The following PTPRC variants were observed in gnomAD, a reference collection of about 807,000 sequenced individuals.
The protein encoded by PTPRC is protein tyrosine phosphatase receptor type C, also known as receptor-type tyrosine-protein phosphatase C.
PTPRC carries 44 observed loss-of-function variants against 155.9 expected under a neutral mutation model. The observed-to-expected ratio is 0.28, with a 90% CI of 0.22 to 0.36. The LOEUF (loss-of-function observed/expected upper bound fraction) is 0.36, where lower values mean the gene tolerates loss of function less well. Among genes scored for constraint, PTPRC ranks in the 10% least tolerant of loss-of-function variants. The pLI is 1.00. For missense variants in PTPRC, 1,401 were observed against 1,564.6 expected, an observed-to-expected ratio of 0.90 and a Z score of 1.76; for synonymous variants, 525 against 533.1, an observed-to-expected ratio of 0.98 and a Z score of 0.21.
rs1558034164 is a variant in PTPRC, at chr1:198,741,851, ATAT to A, written c.2404-14_2404-12del. 6.2e-7 allele frequency: 1 copy of A among 1,608,928 alleles called. No homozygotes were observed. Among genetic ancestry groups the A allele is most frequent in the Admixed American group, 1.7e-5 (1 of 59,642 alleles). The stretch of plus-strand genomic sequence containing the variant: ...CTTTAAAAAAATCATCTCAAAGAAA[ATAT>A]TATCTCTTGACTAGAAAAAAGAAAA... On this transcript the variant is annotated splice_polypyrimidine_tract_variant and intron_variant, in intron 23 of 32. Transcript: ENST00000442510.
intron 23 of PTPRC, among the ~76,000 whole-genome samples, chr1:198,737,204 A>G (rs1654685445): frequency 6.6e-6 from 1 of 151,548 alleles, no homozygotes; most frequent in African/African-American, 2.4e-5. Flanking sequence ...ATGTAATTCT[A>G]CTTGTTCATT....
At position 198,718,144 on chromosome 1, in the gene PTPRC, A is replaced by G; in HGVS notation, c.1501A>G (p.Met501Val). 9 of 1,613,868 alleles carry G rather than the reference A, an allele frequency of 5.6e-6. No homozygotes were observed. The highest frequency in any genetic ancestry group is 6.8e-6 in the Non-Finnish European group (8 of 1,179,758). ...MTVSMTSDNS[M>V]HVKCRPPRDR... ...TGTCTCCATGACATCAGATAATAGT[A>G]TGCATGTCAAGTGTAGGCCTCCCAG... is the stretch of plus-strand genomic sequence containing the variant. Residue 501 changes from methionine to valine, a missense_variant, in exon 14 of 33, where the codon ATG becomes GTG. Met to Val is a conservative substitution (Grantham distance 21). Around this residue, in one of 3 missense-constraint regions of PTPRC, gnomAD observed 867 missense variants for 970.4 expected, o/e 0.89. Transcript: ENST00000442510.
At chr1:198,681,847 C>A (rs12126973) in intron 2 of PTPRC, among the ~76,000 whole-genome samples, 13,406 of 152,184 alleles carry the variant, frequency 0.088, 619 homozygotes, top group Non-Finnish European at 0.099. Context: ...AAACACAAAT[C>A]AATCTGAAAT....
At chr1:198,714,115 C>G (rs1393939880) in intron 12 of PTPRC, among the ~76,000 whole-genome samples, 1 of 152,060 alleles carries the variant, frequency 6.6e-6, no homozygotes, top group African/African-American at 2.4e-5. Flanking sequence ...GAAGATAAAA[C>G]AGCAGAGGTA....
intron 2 of PTPRC, among the ~76,000 whole-genome samples, chr1:198,675,787 C>T (rs1229492612): frequency 6.6e-6 from 1 of 152,080 alleles, no homozygotes; most frequent in Non-Finnish European, 1.5e-5. Flanking sequence ...GCATCTTCTT[C>T]CTAATATCTA....
intron 31 of PTPRC, among the ~76,000 whole-genome samples, chr1:198,753,902 C>CATCA (rs1203327182): frequency 6.6e-6 from 1 of 152,072 alleles, no homozygotes; most frequent in African/African-American, 2.4e-5. Flanking sequence ...TTTCTGATTA[C>CATCA]ATCAGCTTTC....
At chr1:198,733,198 CT>C (rs1446245559) in intron 20 of PTPRC, among the ~76,000 whole-genome samples, 1 of 151,662 alleles carries the variant, frequency 6.6e-6, no homozygotes, top group African/African-American at 2.4e-5. Context: ...TATATACAGA[CT>C]GAAAAAATTC....
chr1:198,666,146 T>C (rs548495084), intron 2 of PTPRC, among the ~76,000 whole-genome samples: 15 of 151,494 alleles, frequency 9.9e-5, no homozygotes, highest in African/African-American at 1.5e-4. Flanking sequence ...GGTGAAAAGA[T>C]TGTTTGAGTC....
intron 11 of PTPRC, among the ~76,000 whole-genome samples, chr1:198,710,952 T>C (rs1306253802): frequency 1.3e-5 from 2 of 152,180 alleles, no homozygotes; most frequent in Non-Finnish European, 2.9e-5. Context: ...ACTCCTGGGT[T>C]CAAGCAATTC....
chr1:198,750,145 T>C (rs957408319), intron 28 of PTPRC, among the ~76,000 whole-genome samples: 42 of 152,096 alleles, frequency 2.8e-4, no homozygotes, highest in African/African-American at 9.6e-4. Flanking sequence ...TAATTAAAAT[T>C]AGTATAGACA....
In PTPRC at chr1:198,706,762, T is replaced by C; in HGVS notation, c.714T>C (p.Asp238=). 2 of 1,611,372 alleles carry C rather than the reference T, an allele frequency of 1.2e-6. No individual in the cohort carries two copies. Among genetic ancestry groups the C allele is most frequent in the South Asian group, 2.2e-5 (2 of 90,928 alleles). Residue 238 remains aspartate, a synonymous_variant, in exon 9 of 33, where the codon GAT becomes GAC. Transcript: ENST00000442510. The part of the protein sequence containing the change: ...CDEKYANITV[D]YLYNKETKLF... ...AAAAATATGCAAACATCACTGTGGATTACTTATATAACAAGGAAACTAAAT... is the reference window on the plus strand; with the variant it reads ...AAAAATATGCAAACATCACTGTGGACTACTTATATAACAAGGAAACTAAAT...
At chr1:198,646,644 T>C (rs866643583) in intron 2 of PTPRC, among the ~76,000 whole-genome samples, 1 of 151,940 alleles carries the variant, frequency 6.6e-6, no homozygotes, top group Admixed American at 6.6e-5. Flanking sequence ...TAGATTCATT[T>C]TGAAATTTTA....
At chr1:198,641,551 G>A (rs189868770) in intron 2 of PTPRC, among the ~76,000 whole-genome samples, 1 of 151,996 alleles carries the variant, frequency 6.6e-6, no homozygotes, top group Non-Finnish European at 1.5e-5. Context: ...CTTTGCCACG[G>A]CAACAACCAG....
chr1:198,649,335 T>C (rs1476494202), intron 2 of PTPRC, among the ~76,000 whole-genome samples: 1 of 151,884 alleles, frequency 6.6e-6, no homozygotes, highest in Non-Finnish European at 1.5e-5. Flanking sequence ...AATTTACTTA[T>C]TGATGCTTTA....
intron 10 of PTPRC, among the ~76,000 whole-genome samples, chr1:198,708,876 G>C (rs1359290551): frequency 6.6e-6 from 1 of 152,202 alleles, no homozygotes; most frequent in African/African-American, 2.4e-5. Flanking sequence ...CATCTGCCAG[G>C]CCATAGCTGG....
At chr1:198,662,444 C>CTGTGTGTGTGTG (rs5779935) in intron 2 of PTPRC, among the ~76,000 whole-genome samples, 2 of 131,150 alleles carry the variant, frequency 1.5e-5, no homozygotes, top group Non-Finnish European at 3.2e-5. Context: ...TTTCTGAGAG[C>CTGTGTGTGTGTG]TGTGTGTGTG....
chr1:198,708,120 A>G lies in PTPRC; in HGVS notation c.905-13A>G, dbSNP rs943705271. Reference sequence around the variant, plus strand: ...AAATACTAATCAAGTTTATTTCTGTATCTTCTTGTCAGGGGTTGAAAAGTT... The same window carrying G: ...AAATACTAATCAAGTTTATTTCTGTGTCTTCTTGTCAGGGGTTGAAAAGTT... On this transcript the variant is annotated splice_polypyrimidine_tract_variant and intron_variant, in intron 9 of 32. Coordinates refer to ENST00000442510, the MANE Select transcript of PTPRC (RefSeq NM_002838.5). 1.1e-5 allele frequency: 17 copies of G among 1,595,588 alleles called. No homozygotes were observed. The Admixed American group carries it at 1.2e-4, about 11-fold the overall frequency.
Position 198,743,863 on chromosome 1 carries a change from G to A in PTPRC, c.2698-191G>A, listed in dbSNP as rs545219772. 9.5e-4 allele frequency among the ~76,000 whole-genome samples: 145 copies of A among 151,888 alleles called. 3 individuals carry two copies. Among genetic ancestry groups the A allele is most frequent in the South Asian group, 3.9e-3 (19 of 4,830 alleles). On this transcript the variant is annotated intron_variant, in intron 25 of 32. Transcript: ENST00000442510. ...TTTCTGAAAAAATAATCTGAAAATA[G>A]AATTTGCTCATATTCCAGAAAACTC...
At chr1:198,709,975 AT>A in intron 11 of PTPRC, 151 bp downstream of exon 11, 1 of 1,106,982 alleles carries the variant, frequency 9.0e-7, no homozygotes, top group Non-Finnish European at 1.3e-6. Flanking sequence ...CAATTTATCT[AT>A]TTTTACTTCT....
Sources: gnomAD v4.1 joint callset for allele counts (sites outside exome capture counted in the v4.1 genomes callset) on GRCh38, gnomAD v4.1.1 for gene constraint, gnomAD v4.1.1 regional missense constraint, MANE v1.5 for transcripts, NCBI Gene and HGNC (gene_info 2026-07-23, HGNC 2026-07-21) for gene names.